The following GTF3C3 variants were observed in gnomAD, a reference collection of about 807,000 sequenced individuals.
GTF3C3 encodes the protein general transcription factor 3C polypeptide 3.
Under a neutral mutation model 105.2 loss-of-function variants are expected in GTF3C3, and 75 were observed. That is an observed-to-expected ratio of 0.71 (90% CI 0.59 to 0.86). The LOEUF is 0.86. Among genes scored for constraint, GTF3C3 ranks in the 40% least tolerant of loss-of-function variants. GTF3C3 has a pLI of 0.00. For missense variants in GTF3C3, 856 were observed against 1,076.5 expected, an observed-to-expected ratio of 0.80 and a Z score of 2.87; for synonymous variants, 335 against 370.4, an observed-to-expected ratio of 0.90 and a Z score of 1.10.
chr2:196,764,821 A>AAAACT (rs539877618), intron 17 of GTF3C3, 136 bp from the exon 18 acceptor site: 499 of 611,486 alleles, frequency 8.2e-4, no homozygotes, highest in Admixed American at 1.3e-3. Flanking sequence ...AAAAAATTAT[A>AAAACT]AAACTATGCA....
rs536868841 is a variant in GTF3C3, at chr2:196,776,533, A to C, written c.1487T>G (p.Leu496Arg). 1 of 1,614,174 alleles carries C rather than the reference A, an allele frequency of 6.2e-7. No individual in the cohort carries two copies. The highest frequency in any genetic ancestry group is 1.3e-5 in the African/African-American group (1 of 75,052). ...APLHLDARISLSTLQQQLGQP... is the reference protein window; with the variant it reads ...APLHLDARISRSTLQQQLGQP... ...GCCCAGCTGCTGCTGAAGGGTAGAAAGTGAAATCCTTGCATCCAAATGGAG... is the reference window on the plus strand; with the variant it reads ...GCCCAGCTGCTGCTGAAGGGTAGAACGTGAAATCCTTGCATCCAAATGGAG... Residue 496 changes from leucine (L) to arginine (R), a missense_variant, in exon 11 of 18, where the codon CTT (leucine) becomes CGT (arginine). Physicochemically the swap from Leu to Arg is moderately radical, Grantham distance 102 (BLOSUM62 -2). Around this residue, in one of 3 missense-constraint regions of GTF3C3, gnomAD observed 605 missense variants for 833.6 expected, o/e 0.73. Transcript: ENST00000263956. The surrounding 1 kb of genome is among the most constrained non-coding windows in gnomAD (Gnocchi z 4.5).
intron 17 of GTF3C3, among the ~76,000 whole-genome samples, chr2:196,765,055 G>A (rs1483987416): frequency 1.3e-5 from 2 of 152,072 alleles, no homozygotes; most frequent in Non-Finnish European, 2.9e-5. Context: ...GGGAAAGATT[G>A]GTATGACTTC....
chr2:196,765,019 A>ATGAT (rs1389755049), intron 17 of GTF3C3, among the ~76,000 whole-genome samples: 1 of 152,214 alleles, frequency 6.6e-6, no homozygotes, highest in East Asian at 1.9e-4. Context: ...GGTCCTTTTT[A>ATGAT]TGATAGCAAA....
At chr2:196,797,972 G>T in intron 1 of GTF3C3, 64 bp from the exon 2 acceptor site, 1 of 942,360 alleles carries the variant, frequency 1.1e-6, no homozygotes, top group Non-Finnish European at 1.7e-6. Context: ...CCCAGCCACA[G>T]AGTATCTGGT....
In GTF3C3 at chr2:196,766,592, G is replaced by C. The variant is rs751016096; in HGVS notation, c.2511C>G (p.Ala837=). The C allele has an allele frequency of 3.7e-6, 6 of 1,611,438 alleles. No individual in the cohort carries two copies. In the South Asian group the frequency reaches 6.6e-5, roughly 18 times the overall value. Residue 837 remains alanine, a synonymous_variant, in exon 17 of 18, where the codon GCC becomes GCG. Coordinates refer to ENST00000263956, the MANE Select transcript of GTF3C3 (RefSeq NM_012086.5). ...IHLAIHYYQK[A]LELPPLVVEG... Reference sequence around the variant, plus strand: ...CTACCACAAGTGGAGGGAGCTCCAGGGCCTTCTGATAATAGTGGATTGCAA... The same window carrying C: ...CTACCACAAGTGGAGGGAGCTCCAGCGCCTTCTGATAATAGTGGATTGCAA...
intron 15 of GTF3C3, among the ~76,000 whole-genome samples, chr2:196,771,289 A>G (rs1014910648): frequency 2.6e-5 from 4 of 152,256 alleles, no homozygotes; most frequent in Admixed American, 6.5e-5. Flanking sequence ...ATGAACTTTC[A>G]GCAAATCTTG....
At chr2:196,778,012 AAAG>A (rs1699286324) in intron 10 of GTF3C3, 1 of 152,186 alleles carries the variant, frequency 6.6e-6, no homozygotes, top group South Asian at 2.1e-4. Flanking sequence ...TCTAAACAGA[AAAG>A]TGTTATCTTA....
intron 8 of GTF3C3, among the ~76,000 whole-genome samples, chr2:196,781,357 A>ATATATATATATATATATATATATATATAT (rs1553578902): frequency 5.3e-5 from 1 of 18,812 alleles, no homozygotes; most frequent in African/African-American, 1.0e-4. Context: ...AAAAAAAAAA[A>ATATATATATATATATATATATATATATAT]ATATATATAT....
chr2:196,791,290 T>G, intron 4 of GTF3C3, 47 bp downstream of exon 4: 1 of 1,599,516 alleles, frequency 6.3e-7, no homozygotes. Context: ...TTGTTTTAAG[T>G]CAGACTATTA....
chr2:196,793,233 AT>A (rs1317323078), intron 2 of GTF3C3, 81 bp from the exon 3 acceptor site: 3 of 1,043,122 alleles, frequency 2.9e-6, no homozygotes, highest in Non-Finnish European at 4.2e-6. Flanking sequence ...CTAAGTATAA[AT>A]TTTTACCCCA....
intron 2 of GTF3C3, among the ~76,000 whole-genome samples, chr2:196,795,104 C>T (rs1417309803): frequency 1.3e-5 from 2 of 152,064 alleles, no homozygotes; most frequent in Non-Finnish European, 2.9e-5. Flanking sequence ...TGCAGTGGTG[C>T]GATCTCAGGT....
intron 6 of GTF3C3, among the ~76,000 whole-genome samples, chr2:196,787,546 G>A (rs189572661): frequency 4.6e-5 from 7 of 151,820 alleles, no homozygotes; most frequent in South Asian, 2.1e-4. Flanking sequence ...ATCTGTTCTC[G>A]TACCTACTTC....
chr2:196,780,576 T>G lies in GTF3C3; in HGVS notation c.1201A>C (p.Ile401Leu). 1 of 1,613,488 alleles carries G rather than the reference T, an allele frequency of 6.2e-7. No individual in the cohort carries two copies. The highest frequency in any genetic ancestry group is 8.5e-7 in the Non-Finnish European group (1 of 1,179,578). Residue 401 changes from isoleucine (I) to leucine (L), a missense_variant, in exon 9 of 18, where the codon ATT becomes CTT. Ile to Leu is a conservative substitution (Grantham distance 5). Around this residue, in one of 3 missense-constraint regions of GTF3C3, gnomAD observed 605 missense variants for 833.6 expected, o/e 0.73. Transcript: ENST00000263956. The stretch of plus-strand genomic sequence containing the variant: ...TTACATACATTAAGTGGTTCAAGAA[T>G]GTTGAGATGTACAAGGCAGACCATC... ...KLMVCLVHLN[I>L]LEPLNPLLTT... is the part of the protein sequence containing the mutation.
At position 196,785,558 on chromosome 2, in the gene GTF3C3, A is replaced by C. The variant is rs757128104; in HGVS notation, c.924T>G (p.Ser308=). The change falls in exon 7 of 18, where the codon TCT becomes TCG. Residue 308 remains serine, a synonymous_variant. Coordinates refer to ENST00000263956, the MANE Select transcript of GTF3C3 (RefSeq NM_012086.5). ...AAGCTTCATCAATTATGTTAATAGC[A>C]GAAGTAACATCATTGGCTTCATAGT... ...KSYYEANDVT[S]AINIIDEAFS... 4 of 1,607,680 alleles carry C rather than the reference A, an allele frequency of 2.5e-6. No individual in the cohort carries two copies. Among genetic ancestry groups the C allele is most frequent in the Non-Finnish European group, 3.4e-6 (4 of 1,174,844 alleles).
chr2:196,782,370 TAA>T (rs1699382016), intron 8 of GTF3C3, among the ~76,000 whole-genome samples: 1 of 152,232 alleles, frequency 6.6e-6, no homozygotes, highest in Non-Finnish European at 1.5e-5. Flanking sequence ...CCAAACGGAC[TAA>T]GACACTGTTC....
At chr2:196,793,173 G>C (rs371525979) in intron 2 of GTF3C3, 21 bp from the exon 3 acceptor site, 3 of 1,526,208 alleles carry the variant, frequency 2.0e-6, no homozygotes, top group Non-Finnish European at 2.7e-6. Flanking sequence ...AGACATTGAT[G>C]GGGGAGGGGT....
chr2:196,790,197 T>C (rs1699523578), intron 4 of GTF3C3, 127 bp from the exon 5 acceptor site: 1 of 501,614 alleles, frequency 2.0e-6, no homozygotes. Context: ...TCTAGCAGAA[T>C]TATACAAACT....
At chr2:196,789,766 T>C in intron 5 of GTF3C3, 113 bp downstream of exon 5, 1 of 665,192 alleles carries the variant, frequency 1.5e-6, no homozygotes, top group Non-Finnish European at 2.4e-6. Context: ...CAACACACAA[T>C]AGAAACAAAT....
At chr2:196,779,159 T>A in intron 9 of GTF3C3, 92 bp from the exon 10 acceptor site, 1 of 992,746 alleles carries the variant, frequency 1.0e-6, no homozygotes, top group South Asian at 1.6e-5. Context: ...ATGAAGTCTC[T>A]CCCTGTCACC....
Sources: allele counts gnomAD v4.1 joint callset (sites outside exome capture counted in the v4.1 genomes callset), GRCh38; gene constraint gnomAD v4.1.1; regional missense constraint gnomAD v4.1.1; non-coding constraint Gnocchi (gnomAD v3.1); transcripts MANE v1.5; gene names NCBI Gene and HGNC (gene_info 2026-07-23, HGNC 2026-07-21).